CTNNA3: variants seen among roughly 807,000 people sequenced by gnomAD.
The protein encoded by CTNNA3 is catenin alpha-3.
Under a neutral mutation model 95.7 loss-of-function variants are expected in CTNNA3, and 76 were observed. The ratio of observed to expected loss-of-function variants is 0.79; its 90% confidence interval spans 0.66 to 0.96. The LOEUF is 0.96. Ranked by LOEUF, CTNNA3 falls within the 40% of genes least tolerant of loss-of-function variation. The probability of loss-of-function intolerance (pLI) is 0.00; values close to 1 mark genes in which losing one functional copy is unlikely to be tolerated. For missense variants in CTNNA3, 1,191 were observed against 1,089.8 expected (o/e 1.09, Z -1.31); for synonymous variants, 431 against 374.4 (o/e 1.15, Z -1.74).
At chr10:66,539,028 C>A (rs939687942) in intron 10 of CTNNA3, among the ~76,000 whole-genome samples, 1 of 152,046 alleles carries the variant, frequency 6.6e-6, no homozygotes, top group Non-Finnish European at 1.5e-5. Context: ...CTATTGTTGT[C>A]ATCATTGCTG....
At chr10:67,442,787 C>T (rs908041050) in intron 5 of CTNNA3, among the ~76,000 whole-genome samples, 7 of 151,712 alleles carry the variant, frequency 4.6e-5, no homozygotes, top group Admixed American at 6.6e-5. Flanking sequence ...TAACACCCTA[C>T]TTTCTTTTTT....
intron 10 of CTNNA3, among the ~76,000 whole-genome samples, chr10:66,545,051 C>A (rs1841994201): frequency 6.6e-6 from 1 of 152,100 alleles, no homozygotes; most frequent in Admixed American, 6.5e-5. Context: ...ATGTATGAAT[C>A]TTAAATATGC....
rs2077018380 is a variant in CTNNA3, at chr10:65,917,227, T to C, written c.*3103A>G. 1 of 152,184 alleles carries C rather than the reference T, an allele frequency of 6.6e-6. No homozygotes were observed. The highest frequency in any genetic ancestry group is 2.4e-5 in the African/African-American group (1 of 41,450). 9.4% of individuals were successfully genotyped at this position (152,184 alleles called of 1,614,324 possible). On this transcript the variant is annotated 3_prime_UTR_variant, in exon 18 of 18. Transcript: ENST00000433211. The stretch of plus-strand genomic sequence containing the variant: ...CTAATACATTTGCAATTTGCACTCA[T>C]ATAATAAATAATAAACAGAAAGGAA...
chr10:65,980,791 A>G (rs1333242380), intron 16 of CTNNA3, among the ~76,000 whole-genome samples: 1 of 152,098 alleles, frequency 6.6e-6, no homozygotes, highest in Non-Finnish European at 1.5e-5. Flanking sequence ...AAAATCCAGC[A>G]TCCCTTTATG....
chr10:66,778,623 T>G lies in CTNNA3; in HGVS notation c.1048-3099A>C, dbSNP rs140689156. ...TCACATGGCACAGGTCAGCACTGTA[T>G]AGGGAAAGCAGTCACATTCTTCATC... On this transcript the variant is annotated intron_variant, in intron 7 of 17. Transcript: ENST00000433211. 4.0e-5 allele frequency among the ~76,000 whole-genome samples: 6 copies of G among 151,784 alleles called. No homozygotes were observed. In the South Asian group the frequency reaches 8.3e-4, roughly 21 times the overall value.
At chr10:66,349,623 C>A (rs2092551497) in intron 12 of CTNNA3, among the ~76,000 whole-genome samples, 1 of 152,052 alleles carries the variant, frequency 6.6e-6, no homozygotes, top group African/African-American at 2.4e-5. Flanking sequence ...CAGTTGCAAT[C>A]TTAAGAAAAT....
intron 6 of CTNNA3, among the ~76,000 whole-genome samples, chr10:67,198,406 G>A (rs1863476623): frequency 6.6e-6 from 1 of 152,020 alleles, no homozygotes; most frequent in Non-Finnish European, 1.5e-5. Flanking sequence ...GAATGAGTTA[G>A]ACTAAAAAAG....
chr10:67,580,194 C>T (rs181712904), intron 3 of CTNNA3, among the ~76,000 whole-genome samples: 4 of 152,260 alleles, frequency 2.6e-5, no homozygotes, highest in African/African-American at 4.8e-5. Flanking sequence ...TTAGGTCTGA[C>T]ATTTAAATCT....
chr10:67,122,563 T>G (rs1000509874), intron 7 of CTNNA3, among the ~76,000 whole-genome samples: 4 of 152,124 alleles, frequency 2.6e-5, no homozygotes, highest in Admixed American at 1.3e-4. Context: ...CAATTTGGTC[T>G]GTGGTGTGGA....
intron 13 of CTNNA3, among the ~76,000 whole-genome samples, chr10:66,207,434 T>TTTC (rs1189682948): frequency 1.3e-5 from 2 of 151,974 alleles, no homozygotes; most frequent in African/African-American, 2.4e-5. Flanking sequence ...AAACAGTATT[T>TTTC]AAAATACACA....
intron 16 of CTNNA3, among the ~76,000 whole-genome samples, chr10:65,988,399 C>A (rs999621831): frequency 2.7e-4 from 41 of 152,008 alleles, no homozygotes; most frequent in African/African-American, 8.9e-4. Flanking sequence ...AACAACAAAA[C>A]TCGGTTTTGT....
In CTNNA3 at chr10:66,092,744, G is replaced by A. The variant is rs533591945; in HGVS notation, c.1977+10413C>T. Among the ~76,000 whole-genome samples the A allele has an allele frequency of 5.9e-5, 9 of 151,760 alleles. 1 individual carries two copies. In the East Asian group the frequency reaches 1.6e-3, roughly 26 times the overall value. On this transcript the variant is annotated intron_variant, in intron 14 of 17. Coordinates refer to ENST00000433211, the MANE Select transcript of CTNNA3 (RefSeq NM_013266.4). ...AAAACGGGCATTTTTGAATACCAAC[G>A]TTCTACTCTATAAATCAATGGAAGA... is the stretch of plus-strand genomic sequence containing the variant.
At chr10:66,774,782 T>C (rs150459410) in intron 8 of CTNNA3, among the ~76,000 whole-genome samples, 1 of 152,348 alleles carries the variant, frequency 6.6e-6, no homozygotes, top group East Asian at 1.9e-4. Context: ...CAAATGTCTT[T>C]GAAAATAGCT....
rs544524677 is a variant in CTNNA3, at chr10:66,495,362, T to C, written c.1531+25255A>G. Among the ~76,000 whole-genome samples, 327 of 152,262 alleles carry C rather than the reference T, an allele frequency of 2.1e-3. 1 individual carries two copies. The highest frequency in any genetic ancestry group is 7.3e-3 in the Admixed American group (111 of 15,290). On this transcript the variant is annotated intron_variant, in intron 11 of 17. Transcript: ENST00000433211. ...AGGAAGCTGATATTAAACTTTATTTTAAAGATCACATATAGCCATAACGAG... is the reference window on the plus strand; with the variant it reads ...AGGAAGCTGATATTAAACTTTATTTCAAAGATCACATATAGCCATAACGAG...
At chr10:66,082,860 C>T (rs2080816289) in intron 14 of CTNNA3, among the ~76,000 whole-genome samples, 1 of 152,110 alleles carries the variant, frequency 6.6e-6, no homozygotes, top group African/African-American at 2.4e-5. Flanking sequence ...CCCCATCTGT[C>T]CTTTTCTCAT....
chr10:66,145,357 T>C (rs1402255952), intron 13 of CTNNA3, among the ~76,000 whole-genome samples: 1 of 152,146 alleles, frequency 6.6e-6, no homozygotes, highest in Non-Finnish European at 1.5e-5. Flanking sequence ...AGAGAAAGCC[T>C]ACAGATATGG....
chr10:66,756,888 C>G (rs537510181), intron 9 of CTNNA3, among the ~76,000 whole-genome samples: 27 of 152,206 alleles, frequency 1.8e-4, no homozygotes, highest in Admixed American at 1.6e-3. Context: ...AAACTTGACC[C>G]TAGAGCAGAA....
At chr10:66,227,167 A>G (rs996774097) in intron 13 of CTNNA3, among the ~76,000 whole-genome samples, 15 of 152,140 alleles carry the variant, frequency 9.9e-5, no homozygotes, top group Admixed American at 4.6e-4. Flanking sequence ...ACCCAGCTGC[A>G]CTTTATTCCT....
chr10:67,071,543 C>T (rs997301165), intron 7 of CTNNA3, among the ~76,000 whole-genome samples: 2 of 151,158 alleles, frequency 1.3e-5, no homozygotes, highest in African/African-American at 4.9e-5. Flanking sequence ...CATTTAAGAT[C>T]TTGTTATCTG....
Sources: gnomAD v4.1 joint callset for allele counts (sites outside exome capture counted in the v4.1 genomes callset) on GRCh38, gnomAD v4.1.1 for gene constraint, MANE v1.5 for transcripts, NCBI Gene and HGNC (gene_info 2026-07-23, HGNC 2026-07-21) for gene names.